Variants in KLHL20 observed in about 807,000 individuals in gnomAD.
KLHL20 encodes the protein kelch-like protein 20.
Under a neutral mutation model 69.5 loss-of-function variants are expected in KLHL20, and 29 were observed. The observed-to-expected ratio is 0.42, with a 90% CI of 0.31 to 0.57. The LOEUF is 0.57. Ranked by LOEUF, KLHL20 falls within the 20% of genes least tolerant of loss-of-function variation. The pLI, the probability that KLHL20 is intolerant of heterozygous loss-of-function variation, is 0.18. For missense variants in KLHL20, 419 were observed against 776.0 expected (o/e 0.54, Z 5.47); for synonymous variants, 253 against 265.2 (o/e 0.95, Z 0.45).
At chr1:173,780,684 G>A (rs1273902178) in intron 10 of KLHL20, among the ~76,000 whole-genome samples, 1 of 152,058 alleles carries the variant, frequency 6.6e-6, no homozygotes, top group African/African-American at 2.4e-5. Context: ...AGCTGAGGTG[G>A]GAGGATCACT....
chr1:173,745,972 A>G (rs1673041352), intron 3 of KLHL20, among the ~76,000 whole-genome samples: 1 of 152,178 alleles, frequency 6.6e-6, no homozygotes, highest in Non-Finnish European at 1.5e-5. Flanking sequence ...CCAAAAAAAA[A>G]AAGTATTCAT....
intron 8 of KLHL20, 124 bp downstream of exon 8, chr1:173,766,413 G>A (rs1647712053): frequency 1.4e-6 from 1 of 727,610 alleles, no homozygotes. Context: ...GGAAGGCCAA[G>A]GCAGGTGGAT....
intron 2 of KLHL20, among the ~76,000 whole-genome samples, chr1:173,732,640 C>T (rs1672341318): frequency 6.6e-6 from 1 of 151,990 alleles, no homozygotes; most frequent in East Asian, 1.9e-4. Flanking sequence ...AAACCTAGTC[C>T]CCATTTACAG....
intron 2 of KLHL20, among the ~76,000 whole-genome samples, chr1:173,721,543 T>C (rs1671715188): frequency 6.6e-6 from 1 of 152,238 alleles, no homozygotes; most frequent in African/African-American, 2.4e-5. Flanking sequence ...AGGCTTTTGC[T>C]ATCCTGATAT....
At chr1:173,717,388 G>A (rs1223854863) in intron 2 of KLHL20, among the ~76,000 whole-genome samples, 1 of 152,154 alleles carries the variant, frequency 6.6e-6, no homozygotes, top group Non-Finnish European at 1.5e-5. Flanking sequence ...GATAATTCTA[G>A]TGCTGTTAAT....
intron 2 of KLHL20, among the ~76,000 whole-genome samples, chr1:173,723,649 C>G (rs1018569468): frequency 2.6e-5 from 4 of 152,188 alleles, no homozygotes; most frequent in Non-Finnish European, 4.4e-5. Flanking sequence ...ATTAGACTCT[C>G]TCAGTAGTTG....
At chr1:173,762,788 G>A (rs1477000802) in intron 7 of KLHL20, among the ~76,000 whole-genome samples, 1 of 152,170 alleles carries the variant, frequency 6.6e-6, no homozygotes, top group Non-Finnish European at 1.5e-5. Flanking sequence ...GGGAAAAGTT[G>A]AAAGCATTCC....
In KLHL20 at chr1:173,737,313, G is replaced by T. The variant is rs934822111; in HGVS notation, c.597+3027G>T. Among the ~76,000 whole-genome samples, 16 of 152,198 alleles carry T rather than the reference G, an allele frequency of 1.1e-4. No individual in the cohort carries two copies. The South Asian group carries it at 1.2e-3, about 12-fold the overall frequency. The stretch of plus-strand genomic sequence containing the variant: ...TCTTTGCCTGAGCCAATGTCTAGAA[G>T]GGTTTCTCCAATGTTATCTTCTAGA... On this transcript the variant is annotated intron_variant, in intron 3 of 11. Transcript: ENST00000209884.
intron 2 of KLHL20, among the ~76,000 whole-genome samples, chr1:173,723,688 C>T (rs998543803): frequency 1.3e-5 from 2 of 152,198 alleles, no homozygotes; most frequent in African/African-American, 4.8e-5. Flanking sequence ...GAGAGACTCA[C>T]ATGAGGCTGA....
At chr1:173,717,876 TTAG>T (rs1671536980) in intron 2 of KLHL20, among the ~76,000 whole-genome samples, 1 of 152,356 alleles carries the variant, frequency 6.6e-6, no homozygotes, top group African/African-American at 2.4e-5. Context: ...TGGCATTTTA[TTAG>T]TAAAGTTTCA....
intron 8 of KLHL20, among the ~76,000 whole-genome samples, chr1:173,773,063 A>G (rs1011244011): frequency 6.6e-6 from 1 of 152,144 alleles, no homozygotes; most frequent in African/African-American, 2.4e-5. Flanking sequence ...AACTGTCTCA[A>G]GCAATCCCTG....
At position 173,717,927 on chromosome 1, in the gene KLHL20, C is replaced by T. The variant is rs73035116; in HGVS notation, c.23+1861C>T. 4.0e-3 allele frequency among the ~76,000 whole-genome samples: 606 copies of T among 152,210 alleles called. 6 individuals carry two copies. The highest frequency in any genetic ancestry group is 0.014 in the African/African-American group (571 of 41,528). ...TTTATGTACTATCATTTGCATAGCA[C>T]AATGCAAAATTTAAAAGATACAATA... On this transcript the variant is annotated intron_variant, in intron 2 of 11. Coordinates refer to ENST00000209884, the MANE Select transcript of KLHL20 (RefSeq NM_014458.4).
intron 2 of KLHL20, among the ~76,000 whole-genome samples, chr1:173,731,525 T>C (rs1166316283): frequency 5.9e-5 from 9 of 152,164 alleles, no homozygotes; most frequent in Non-Finnish European, 1.0e-4. Context: ...CACCATGGAA[T>C]ACTATGCAGC....
chr1:173,760,564 C>T (rs1673754481), intron 7 of KLHL20, among the ~76,000 whole-genome samples: 1 of 152,234 alleles, frequency 6.6e-6, no homozygotes, highest in Non-Finnish European at 1.5e-5. Context: ...GACCTATCTT[C>T]AGCCTCCTCA....
At chr1:173,765,326 A>T (rs1215608805) in intron 7 of KLHL20, among the ~76,000 whole-genome samples, 1 of 152,050 alleles carries the variant, frequency 6.6e-6, no homozygotes, top group Admixed American at 6.5e-5. Flanking sequence ...ACACGGTGAA[A>T]CCCCGTCTCT....
intron 9 of KLHL20, 132 bp downstream of exon 9, chr1:173,774,570 C>A: frequency 2.2e-6 from 2 of 901,164 alleles, no homozygotes; most frequent in Non-Finnish European, 3.4e-6. Flanking sequence ...TTCCCTCCAG[C>A]AGAGTGCAGC....
chr1:173,751,685 C>T, intron 3 of KLHL20, 79 bp from the exon 4 acceptor site: 1 of 1,405,910 alleles, frequency 7.1e-7, no homozygotes. Context: ...ACAGCTTTGT[C>T]CCATAACCCT....
chr1:173,740,234 G>A (rs1672737486), intron 3 of KLHL20, among the ~76,000 whole-genome samples: 1 of 148,774 alleles, frequency 6.7e-6, no homozygotes, highest in Non-Finnish European at 1.5e-5. Context: ...CCATTCTCCT[G>A]CCTCAGCCTC....
chr1:173,774,000 C>G (rs1307449044), intron 8 of KLHL20, among the ~76,000 whole-genome samples: 1 of 125,448 alleles, frequency 8.0e-6, no homozygotes, highest in Admixed American at 8.7e-5. Context: ...GGCGACAGAC[C>G]AAGACTCCAT....
Sources: allele counts gnomAD v4.1 joint callset (sites outside exome capture counted in the v4.1 genomes callset), GRCh38; gene constraint gnomAD v4.1.1; transcripts MANE v1.5; gene names NCBI Gene and HGNC (gene_info 2026-07-23, HGNC 2026-07-21).